Variants in BIN3 observed in about 807,000 individuals in gnomAD.
BIN3 encodes bridging integrator 3.
BIN3 carries 41 observed loss-of-function variants against 38.2 expected under a neutral mutation model. The observed-to-expected ratio is 1.07, with a 90% CI of 0.84 to 1.39. BIN3 has a LOEUF of 1.39. BIN3 is among the 40% of genes most tolerant of loss of function. BIN3 has a pLI of 0.00. For synonymous variants in BIN3, 145 were observed against 122.6 expected, an observed-to-expected ratio of 1.18 and a Z score of -1.21; for missense variants, 361 against 324.3, an observed-to-expected ratio of 1.11 and a Z score of -0.87.
intron 1 of BIN3, among the ~76,000 whole-genome samples, chr8:22,668,139 G>A (rs1019187329): frequency 1.8e-4 from 28 of 152,046 alleles, no homozygotes; most frequent in Admixed American, 1.8e-3. Context: ...TAGGTCCTTG[G>A]GCCTGACGGT....
At chr8:22,629,121 C>T (rs961219880) in intron 6 of BIN3, among the ~76,000 whole-genome samples, 4 of 152,240 alleles carry the variant, frequency 2.6e-5, no homozygotes, top group South Asian at 2.1e-4. Context: ...CTCAGCAATC[C>T]GAAACACCAG....
intron 2 of BIN3, among the ~76,000 whole-genome samples, chr8:22,640,488 C>G (rs189064815): frequency 7.4e-4 from 112 of 152,254 alleles, no homozygotes; most frequent in Middle Eastern, 3.4e-3. Context: ...CGCGCACGGC[C>G]CACATCTTTC....
chr8:22,625,479 G>T, intron 6 of BIN3: 1 of 697,630 alleles, frequency 1.4e-6, no homozygotes, highest in Non-Finnish European at 2.6e-6. Flanking sequence ...ACTGAGACTG[G>T]GATCATAGGC....
chr8:22,621,729 G>A (rs1273339128), intron 8 of BIN3, among the ~76,000 whole-genome samples, 161 bp from the exon 9 acceptor site: 1 of 152,226 alleles, frequency 6.6e-6, no homozygotes, highest in Non-Finnish European at 1.5e-5. Context: ...GGCTCTAGCT[G>A]AGACTGAACC....
Position 22,665,863 on chromosome 8 carries a change from G to A in BIN3, c.8+3181C>T, listed in dbSNP as rs79366361. On this transcript the variant is annotated intron_variant, in intron 1 of 8. Transcript: ENST00000276416. The stretch of plus-strand genomic sequence containing the variant: ...AGGGCAGACAGAGGTAGAAGACCCC[G>A]GAAGAGTCAGAAAAATATCACTCCA... 6.6e-5 allele frequency among the ~76,000 whole-genome samples: 10 copies of A among 152,280 alleles called. No homozygotes were observed. In the South Asian group the frequency reaches 1.7e-3, roughly 25 times the overall value.
rs756665090 is a variant in BIN3 at position 22,636,518 on chromosome 8, C to T, written c.160+7G>A. 1.3e-6 allele frequency: 2 copies of T among 1,552,058 alleles called. No individual in the cohort carries two copies. The highest frequency in any genetic ancestry group is 8.7e-7 in the Non-Finnish European group (1 of 1,147,292). Reference sequence around the variant, plus strand: ...CAAGCGAGTGGTGCGGGTGGAAAGTCACCTACCCAGGTCTGCGTCGGTGCT... The same window carrying T: ...CAAGCGAGTGGTGCGGGTGGAAAGTTACCTACCCAGGTCTGCGTCGGTGCT... On this transcript the variant is annotated splice_region_variant and intron_variant, in intron 4 of 8. Coordinates refer to ENST00000276416, the MANE Select transcript of BIN3 (RefSeq NM_018688.6).
intron 4 of BIN3, among the ~76,000 whole-genome samples, chr8:22,635,522 G>A (rs1332738935): frequency 2.0e-5 from 3 of 152,128 alleles, no homozygotes; most frequent in Non-Finnish European, 4.4e-5. Context: ...ACCCAGTCAG[G>A]GAGGCTTGCT....
chr8:22,624,990 C>G lies in BIN3; in HGVS notation c.339-627G>C. 4 of 317,332 alleles carry G rather than the reference C, an allele frequency of 1.3e-5. No individual in the cohort carries two copies. The South Asian group carries it at 2.4e-4, about 19-fold the overall frequency. The allele number at this position is 317,332 out of a possible 1,614,324, so 19.7% of individuals were successfully genotyped here. On this transcript the variant is annotated intron_variant, in intron 6 of 8. Transcript: ENST00000276416. The stretch of plus-strand genomic sequence containing the variant: ...ACTCACCCCTGCCCCAGGGCACCTT[C>G]TCCTTCAAGGGCTCCTTGGCAACAT...
At chr8:22,637,285 CTCAGAACG>C (rs1563959328) in intron 2 of BIN3, among the ~76,000 whole-genome samples, 3 of 152,190 alleles carry the variant, frequency 2.0e-5, no homozygotes, top group Non-Finnish European at 4.4e-5. Flanking sequence ...AGTCAGGGTG[CTCAGAACG>C]TGACTGGACC....
intron 8 of BIN3, 139 bp downstream of exon 8, chr8:22,623,776 T>C: frequency 1.7e-6 from 2 of 1,143,738 alleles, no homozygotes; most frequent in East Asian, 2.6e-5. Context: ...GGTAATGGAA[T>C]GAATTCCTTC....
At chr8:22,638,629 G>A (rs995511951) in intron 2 of BIN3, among the ~76,000 whole-genome samples, 1 of 152,168 alleles carries the variant, frequency 6.6e-6, no homozygotes, top group African/African-American at 2.4e-5. Flanking sequence ...TGAACACAGA[G>A]TCTGCTTAGC....
At chr8:22,640,747 A>G (rs1255859654) in intron 2 of BIN3, among the ~76,000 whole-genome samples, 1 of 152,024 alleles carries the variant, frequency 6.6e-6, no homozygotes, top group Non-Finnish European at 1.5e-5. Context: ...GATGTCAGAC[A>G]ACACCTGGTC....
At chr8:22,623,577 TG>T (rs1461078866) in intron 8 of BIN3, among the ~76,000 whole-genome samples, 4 of 152,216 alleles carry the variant, frequency 2.6e-5, no homozygotes, top group African/African-American at 4.8e-5. Context: ...GGCACCACCC[TG>T]GGCCAAGAAA....
rs954462748 is a variant in BIN3, at chr8:22,630,531, GA to G, written c.207del (p.Leu71SerfsTer9). On this transcript the variant is annotated frameshift_variant, in exon 5 of 9. Coordinates refer to ENST00000276416, the MANE Select transcript of BIN3 (RefSeq NM_018688.6). LOFTEE classifies it high-confidence loss of function. The stretch of plus-strand genomic sequence containing the variant: ...AGGTCCTGGTCTTGCTCACAGAGGG[GA>G]TTGGAGAGTAAGTCCAAGGATATCT... Reference protein sequence around the residue: ...AVKISLDLLSNPLCEQDQDLL... With the variant: ...AVKISLDLLSXPLCEQDQDLL... 6.2e-7 allele frequency: 1 copy of G among 1,613,936 alleles called. No homozygotes were observed. The highest frequency in any genetic ancestry group is 8.5e-7 in the Non-Finnish European group (1 of 1,179,900).
At chr8:22,651,660 T>C (rs529708402) in intron 1 of BIN3, among the ~76,000 whole-genome samples, 1 of 152,330 alleles carries the variant, frequency 6.6e-6, no homozygotes, top group South Asian at 2.1e-4. Flanking sequence ...ACTGCTGCTG[T>C]GGGAAAGTCT....
In BIN3 at chr8:22,620,653, G is replaced by T. The variant is rs567152376; in HGVS notation, c.*769C>A. ...TGGAGGGTGCTGCTGCTCCGTGGAG[G>T]GCAGCAGGCCCAGGAAGGGGTTTCC... On this transcript the variant is annotated 3_prime_UTR_variant, in exon 9 of 9. Transcript: ENST00000276416. The T allele has an allele frequency of 2.0e-4, 31 of 152,292 alleles. No individual in the cohort carries two copies. The highest frequency in any genetic ancestry group is 7.2e-4 in the African/African-American group (30 of 41,558). 9.4% of individuals were successfully genotyped at this position (152,292 alleles called of 1,614,324 possible).
intron 2 of BIN3, among the ~76,000 whole-genome samples, chr8:22,643,820 A>T (rs749368): frequency 0.042 from 6,326 of 152,352 alleles, 188 homozygotes; most frequent in Non-Finnish European, 0.06. Flanking sequence ...CTCTGCCGCC[A>T]GCACAGCACC....
At chr8:22,633,634 C>T (rs541142004) in intron 4 of BIN3, among the ~76,000 whole-genome samples, 3 of 152,344 alleles carry the variant, frequency 2.0e-5, no homozygotes, top group Non-Finnish European at 2.9e-5. Flanking sequence ...GGAGATTCCA[C>T]GCTCAGGAAA....
At chr8:22,625,534 G>A in intron 6 of BIN3, 3 of 653,708 alleles carry the variant, frequency 4.6e-6, no homozygotes, top group Non-Finnish European at 8.4e-6. Flanking sequence ...TCAGGTTCCA[G>A]GAGCTCAGCT....
Sources: gnomAD v4.1 joint callset for allele counts (sites outside exome capture counted in the v4.1 genomes callset) on GRCh38, gnomAD v4.1.1 for gene constraint, MANE v1.5 for transcripts, NCBI Gene and HGNC (gene_info 2026-07-23, HGNC 2026-07-21) for gene names.